The following WWTR1 variants were observed in gnomAD, a reference collection of about 807,000 sequenced individuals.
WWTR1 encodes WW domain containing transcription regulator 1.
Under a neutral mutation model 40.1 loss-of-function variants are expected in WWTR1, and 13 were observed. That is an observed-to-expected ratio of 0.32 (90% CI 0.21 to 0.52). The LOEUF is 0.52. Ranked by LOEUF, WWTR1 falls within the 20% of genes least tolerant of loss-of-function variation. WWTR1 has a pLI of 0.97. For missense variants in WWTR1, 436 were observed against 523.1 expected, an observed-to-expected ratio of 0.83 and a Z score of 1.63; for synonymous variants, 230 against 210.1, an observed-to-expected ratio of 1.09 and a Z score of -0.82.
chr3:149,670,504 C>T (rs946227176), intron 1 of WWTR1, among the ~76,000 whole-genome samples: 1 of 152,040 alleles, frequency 6.6e-6, no homozygotes, highest in African/African-American at 2.4e-5. Flanking sequence ...TGATGTCCAA[C>T]CTGGTGGCGG....
At chr3:149,579,249 G>C (rs564188036) in intron 2 of WWTR1, among the ~76,000 whole-genome samples, 66 of 152,278 alleles carry the variant, frequency 4.3e-4, no homozygotes, top group African/African-American at 1.6e-3. Context: ...TCCATCAGCA[G>C]AGTGGTTAGG....
chr3:149,658,500 C>G (rs995292043), upstream of WWTR1: 7 of 152,400 alleles, frequency 4.6e-5, no homozygotes. Context: ...CGCACTGACC[C>G]GCGATTCTGC....
At position 149,625,508 on chromosome 3, in the gene WWTR1, G is replaced by A. The variant is rs564673076; in HGVS notation, c.431+31368C>T. On this transcript the variant is annotated intron_variant, in intron 2 of 6. Coordinates refer to ENST00000360632, the MANE Select transcript of WWTR1 (RefSeq NM_015472.6). ...TTTAATAAAGCAAAAATTAGGGGCT[G>A]AGCATGGTATGGTGGCTCATGCCTG... 1.2e-4 allele frequency among the ~76,000 whole-genome samples: 19 copies of A among 152,166 alleles called. No individual in the cohort carries two copies. The South Asian group carries it at 2.9e-3, about 23-fold the overall frequency.
chr3:149,689,788 A>T (rs1269410984), intron 1 of WWTR1, among the ~76,000 whole-genome samples: 1 of 152,206 alleles, frequency 6.6e-6, no homozygotes, highest in Non-Finnish European at 1.5e-5. Flanking sequence ...ACTCACTGGT[A>T]ATAGTGAGTA....
At chr3:149,647,488 G>A (rs1312733291) in intron 2 of WWTR1, among the ~76,000 whole-genome samples, 1 of 152,160 alleles carries the variant, frequency 6.6e-6, no homozygotes, top group African/African-American at 2.4e-5. Flanking sequence ...ATCAGCCTCA[G>A]AGGAACTGAG....
intron 2 of WWTR1, among the ~76,000 whole-genome samples, chr3:149,591,603 A>C: frequency 6.6e-6 from 1 of 152,216 alleles, no homozygotes; most frequent in East Asian, 1.9e-4. Context: ...AAACAAAAAA[A>C]AGTAGTAGAG....
chr3:149,547,038 A>T (rs1336483289), intron 3 of WWTR1, among the ~76,000 whole-genome samples: 1 of 152,104 alleles, frequency 6.6e-6, no homozygotes, highest in East Asian at 1.9e-4. Flanking sequence ...CATGAGCTTC[A>T]CTTGTGGTTG....
chr3:149,550,233 T>C (rs1285947640), intron 3 of WWTR1, among the ~76,000 whole-genome samples: 1 of 152,228 alleles, frequency 6.6e-6, no homozygotes, highest in African/African-American at 2.4e-5. Flanking sequence ...AAATCTGGTC[T>C]ATAATGTGTC....
chr3:149,533,692 A>G (rs965236870), intron 4 of WWTR1, among the ~76,000 whole-genome samples: 1 of 152,234 alleles, frequency 6.6e-6, no homozygotes, highest in Admixed American at 6.5e-5. Flanking sequence ...TTCAAATCCC[A>G]GTTCAGTTAC....
chr3:149,720,522 C>A (rs1458963613), intron 4 of WWTR1, among the ~76,000 whole-genome samples: 1 of 152,006 alleles, frequency 6.6e-6, no homozygotes, highest in Non-Finnish European at 1.5e-5. Context: ...ATTACTATTA[C>A]CTATTATAAA....
intron 2 of WWTR1, among the ~76,000 whole-genome samples, chr3:149,663,583 C>A (rs1480554543): frequency 1.3e-5 from 2 of 152,028 alleles, no homozygotes; most frequent in Admixed American, 6.6e-5. Context: ...GTAATCCCAG[C>A]TACTCGGGAG....
At chr3:149,533,308 A>G (rs1735676002) in intron 4 of WWTR1, among the ~76,000 whole-genome samples, 1 of 152,208 alleles carries the variant, frequency 6.6e-6, no homozygotes, top group East Asian at 1.9e-4. Context: ...TATCTTACTG[A>G]AATCTTTTCA....
At chr3:149,712,883 A>ATAT (rs1174214122) in intron 5 of WWTR1, among the ~76,000 whole-genome samples, 2 of 152,222 alleles carry the variant, frequency 1.3e-5, no homozygotes, top group Non-Finnish European at 2.9e-5. Flanking sequence ...CAAGATATAG[A>ATAT]TATTATTATT....
At chr3:149,521,454 A>G (rs1019789583) in intron 6 of WWTR1, among the ~76,000 whole-genome samples, 1 of 152,236 alleles carries the variant, frequency 6.6e-6, no homozygotes, top group African/African-American at 2.4e-5. Context: ...TTTAGGCATC[A>G]TTTATAAAGG....
intron 2 of WWTR1, among the ~76,000 whole-genome samples, chr3:149,595,886 C>T (rs1738979939): frequency 6.6e-6 from 1 of 151,776 alleles, no homozygotes; most frequent in African/African-American, 2.4e-5. Context: ...ACAAAAATTA[C>T]CCCAGGCATG....
intron 2 of WWTR1, among the ~76,000 whole-genome samples, chr3:149,577,015 G>T (rs1031646675): frequency 6.6e-6 from 1 of 152,110 alleles, no homozygotes; most frequent in Non-Finnish European, 1.5e-5. Context: ...AAATTAGCCG[G>T]CTGTGGTGGC....
intron 3 of WWTR1, among the ~76,000 whole-genome samples, chr3:149,571,214 C>CTTTT (rs10535515): frequency 0.02 from 1,981 of 99,710 alleles, no homozygotes; most frequent in East Asian, 0.044. Flanking sequence ...TTTTTCTTTT[C>CTTTT]TTTTTTTTTT....
chr3:149,715,431 C>T (rs1322431481), intron 5 of WWTR1, among the ~76,000 whole-genome samples: 2 of 152,220 alleles, frequency 1.3e-5, no homozygotes, highest in African/African-American at 4.8e-5. Flanking sequence ...GCGCTGGCAC[C>T]CGTGCCAGCA....
At chr3:149,591,351 T>A (rs1025722598) in intron 2 of WWTR1, among the ~76,000 whole-genome samples, 2 of 152,218 alleles carry the variant, frequency 1.3e-5, no homozygotes, top group Non-Finnish European at 2.9e-5. Flanking sequence ...AGCCAGTCTC[T>A]GATAGTAACT....
Sources: gnomAD v4.1 joint callset for allele counts (sites outside exome capture counted in the v4.1 genomes callset) on GRCh38, gnomAD v4.1.1 for gene constraint, MANE v1.5 for transcripts, NCBI Gene and HGNC (gene_info 2026-07-23, HGNC 2026-07-21) for gene names.